The following DIP2B variants were observed in gnomAD, a reference collection of about 807,000 sequenced individuals.
DIP2B encodes DIP2 acetate--CoA ligase B (putative).
DIP2B carries 76 observed loss-of-function variants against 198.0 expected under a neutral mutation model. The ratio of observed to expected loss-of-function variants is 0.38; its 90% CI spans 0.32 to 0.46. The LOEUF (loss-of-function observed/expected upper bound fraction) is 0.46. Ranked by LOEUF, DIP2B falls within the 20% of genes least tolerant of loss-of-function variation. The pLI, the probability that DIP2B is intolerant of heterozygous loss-of-function variation, is 0.99. For synonymous variants in DIP2B, 701 were observed against 739.1 expected (o/e 0.95, Z 0.84); for missense variants, 1,559 against 1,978.4 (o/e 0.79, Z 4.02).
chr12:50,658,285 T>C (rs943756815), intron 3 of DIP2B, among the ~76,000 whole-genome samples: 8 of 151,978 alleles, frequency 5.3e-5, no homozygotes, highest in Admixed American at 3.9e-4. Flanking sequence ...TACAGGTGCG[T>C]GCTACCATGC....
chr12:50,505,597 C>G (rs1289309845), intron 1 of DIP2B, among the ~76,000 whole-genome samples: 1 of 152,162 alleles, frequency 6.6e-6, no homozygotes, highest in African/African-American at 2.4e-5. Context: ...AGGAGGGTGG[C>G]TGACAGCTTT....
chr12:50,686,664 A>G lies in DIP2B; in HGVS notation c.1533A>G (p.Thr511=). 7 of 1,614,078 alleles carry G rather than the reference A, an allele frequency of 4.3e-6. No individual in the cohort carries two copies. Among genetic ancestry groups the G allele is most frequent in the Non-Finnish European group, 5.9e-6 (7 of 1,180,000 alleles). Residue 511 remains threonine (T), a synonymous_variant, in exon 12 of 38, where the codon ACA becomes ACG. Coordinates refer to ENST00000301180, the MANE Select transcript of DIP2B (RefSeq NM_173602.3). Reference sequence around the variant, plus strand: ...AGCCACACATCTCACCTGCTGGGACAGAACCGGCATACATTGAGGTAAGTC... The same window carrying G: ...AGCCACACATCTCACCTGCTGGGACGGAACCGGCATACATTGAGGTAAGTC... ...DWQPHISPAG[T]EPAYIEYKTS... is the part of the protein sequence containing the mutation.
intron 1 of DIP2B, among the ~76,000 whole-genome samples, chr12:50,515,095 C>G (rs1461937364): frequency 6.6e-6 from 1 of 152,120 alleles, no homozygotes; most frequent in Admixed American, 6.6e-5. Context: ...TATTTCTTAC[C>G]TTTGCTTAGT....
At chr12:50,582,145 G>GTTTTTTTTTTTT (rs367699036) in intron 1 of DIP2B, among the ~76,000 whole-genome samples, 2 of 77,552 alleles carry the variant, frequency 2.6e-5, no homozygotes, top group African/African-American at 1.2e-4. Flanking sequence ...CTTTTTTTCT[G>GTTTTTTTTTTTT]TTTTTTTTTT....
chr12:50,536,308 C>CATACATAT (rs1555182435), intron 1 of DIP2B, among the ~76,000 whole-genome samples: 7 of 151,704 alleles, frequency 4.6e-5, no homozygotes, highest in East Asian at 1.9e-4. Flanking sequence ...TACATACATA[C>CATACATAT]GCCAGGCTGC....
At chr12:50,595,970 AT>A (rs1199904634) in intron 1 of DIP2B, among the ~76,000 whole-genome samples, 3 of 152,194 alleles carry the variant, frequency 2.0e-5, no homozygotes, top group Non-Finnish European at 4.4e-5. Context: ...CCTGGAACAT[AT>A]CTTTCTGCTG....
intron 1 of DIP2B, among the ~76,000 whole-genome samples, chr12:50,606,320 T>C: frequency 6.6e-6 from 1 of 152,110 alleles, no homozygotes; most frequent in East Asian, 1.9e-4. Flanking sequence ...GAGGTCTCAC[T>C]ATGTTGCCCA....
chr12:50,554,917 G>A lies in DIP2B; in HGVS notation c.100+49677G>A, dbSNP rs534138645. 4.6e-5 allele frequency among the ~76,000 whole-genome samples: 7 copies of A among 152,060 alleles called. No individual in the cohort carries two copies. In the South Asian group the frequency reaches 1.2e-3, roughly 27 times the overall value. ...CGAGTAGTTGGAACTAAAGGCGCGC[G>A]CCACCACGCCTGCCTAATTTTTTGT... On this transcript the variant is annotated intron_variant, in intron 1 of 37. Transcript: ENST00000301180.
intron 18 of DIP2B, 65 bp downstream of exon 18, chr12:50,698,532 A>G (rs1939359067): frequency 6.4e-7 from 1 of 1,553,162 alleles, no homozygotes; most frequent in African/African-American, 1.4e-5. Flanking sequence ...ATAGAGCCTG[A>G]TAAAATACAG....
intron 1 of DIP2B, among the ~76,000 whole-genome samples, chr12:50,586,621 G>A (rs1281604068): frequency 1.3e-5 from 2 of 152,218 alleles, no homozygotes; most frequent in Non-Finnish European, 2.9e-5. Context: ...TGCCCAGACT[G>A]GAGTGCAGTG....
intron 25 of DIP2B, 103 bp downstream of exon 25, chr12:50,719,138 T>C: frequency 3.2e-6 from 4 of 1,262,458 alleles, no homozygotes; most frequent in Non-Finnish European, 4.4e-6. Flanking sequence ...TTGCCATCTC[T>C]GAAGAAGGAG....
chr12:50,699,314 T>G, intron 19 of DIP2B, 112 bp downstream of exon 19: 2 of 1,463,074 alleles, frequency 1.4e-6, no homozygotes, highest in Non-Finnish European at 1.8e-6. Context: ...GAGTGTGTAC[T>G]CTGGAGCTAG....
At chr12:50,515,009 A>G (rs1048930557) in intron 1 of DIP2B, among the ~76,000 whole-genome samples, 1 of 151,704 alleles carries the variant, frequency 6.6e-6, no homozygotes, top group African/African-American at 2.4e-5. Context: ...GTTGCATGAG[A>G]ATATGCTTGC....
chr12:50,575,214 C>T (rs1203888204), intron 1 of DIP2B, among the ~76,000 whole-genome samples: 1 of 152,118 alleles, frequency 6.6e-6, no homozygotes, highest in Non-Finnish European at 1.5e-5. Flanking sequence ...GTATCCAGCT[C>T]TCTATTTAGC....
intron 1 of DIP2B, among the ~76,000 whole-genome samples, chr12:50,575,557 G>C (rs761807508): frequency 3.9e-5 from 6 of 152,036 alleles, no homozygotes; most frequent in Non-Finnish European, 7.4e-5. Context: ...ACTAGGCCTG[G>C]CTAATTTCTT....
At chr12:50,688,202 C>T (rs1171143467) in intron 12 of DIP2B, among the ~76,000 whole-genome samples, 1 of 151,946 alleles carries the variant, frequency 6.6e-6, no homozygotes, top group Non-Finnish European at 1.5e-5. Context: ...TGCAATGGTT[C>T]ACATCTGTCT....
rs888130981 is a variant in DIP2B, at chr12:50,728,613, T to C, written c.3576T>C (p.Ser1192=). The C allele has an allele frequency of 1.2e-6, 2 of 1,614,062 alleles. No homozygotes were observed. The highest frequency in any genetic ancestry group is 2.7e-5 in the African/African-American group (2 of 74,918). Residue 1192 remains serine (S), a synonymous_variant, in exon 30 of 38, where the codon TCT becomes TCC. Coordinates refer to ENST00000301180, the MANE Select transcript of DIP2B (RefSeq NM_173602.3). ...AGCTCCAGTGTGAGTTGTACTCTTC[T>C]CGGCAGATCGCCATCTGCCTTGACC... ...AIKLQCELYS[S]RQIAICLDPY... is the part of the protein sequence containing the mutation.
intron 1 of DIP2B, among the ~76,000 whole-genome samples, chr12:50,530,667 A>G (rs1345608938): frequency 6.6e-6 from 1 of 152,186 alleles, no homozygotes; most frequent in Non-Finnish European, 1.5e-5. Context: ...GGAAGAGGGA[A>G]TGAAAAGAAG....
intron 3 of DIP2B, among the ~76,000 whole-genome samples, chr12:50,644,862 C>A (rs1227456469): frequency 1.3e-5 from 2 of 152,086 alleles, no homozygotes; most frequent in African/African-American, 4.8e-5. Context: ...TATTTCATAT[C>A]ATATATAAAA....
Sources: gnomAD v4.1 joint callset for allele counts (sites outside exome capture counted in the v4.1 genomes callset) on GRCh38, gnomAD v4.1.1 for gene constraint, MANE v1.5 for transcripts, NCBI Gene and HGNC (gene_info 2026-07-23, HGNC 2026-07-21) for gene names.